The following FMNL3 variants were observed in gnomAD, a reference collection of about 807,000 sequenced individuals.
FMNL3 encodes formin like 3.
Under a neutral mutation model 119.6 loss-of-function variants are expected in FMNL3, and 57 were observed. The observed-to-expected ratio is 0.48, with a 90% confidence interval of 0.39 to 0.59. FMNL3 has a LOEUF of 0.59. Ranked by LOEUF, FMNL3 falls within the 20% of genes least tolerant of loss-of-function variation. FMNL3 has a pLI of 0.00. For missense variants in FMNL3, 1,053 were observed against 1,323.5 expected (o/e 0.80, Z 3.17); for synonymous variants, 491 against 507.3 (o/e 0.97, Z 0.43).
At chr12:49,656,125 G>A (rs1384701719) in intron 9 of FMNL3, among the ~76,000 whole-genome samples, 1 of 152,074 alleles carries the variant, frequency 6.6e-6, no homozygotes, top group Non-Finnish European at 1.5e-5. Flanking sequence ...AGCTCCTTAG[G>A]TGATTTGGAT....
In FMNL3 at chr12:49,643,921, G is replaced by T; in HGVS notation, c.*1894C>A. The T allele has an allele frequency of 6.2e-7, 1 of 1,614,222 alleles. No individual in the cohort carries two copies. The highest frequency in any genetic ancestry group is 8.5e-7 in the Non-Finnish European group (1 of 1,180,046). On this transcript the variant is annotated 3_prime_UTR_variant, in exon 26 of 26. Coordinates refer to ENST00000335154, the MANE Select transcript of FMNL3 (RefSeq NM_175736.5). ...AGCTGGCAAGGAGAGCGATGAGAAA[G>T]AACAAGAACAGGACAAGGACAGGGA...
chr12:49,637,333 A>C lies in FMNL3; in HGVS notation c.*8482T>G. 4 of 632,884 alleles carry C rather than the reference A, an allele frequency of 6.3e-6. No homozygotes were observed. Among genetic ancestry groups the C allele is most frequent in the Middle Eastern group, 2.5e-4 (1 of 3,986 alleles). The allele number at this position is 632,884 out of a possible 1,614,324, so 39.2% of individuals were successfully genotyped here. On this transcript the variant is annotated 3_prime_UTR_variant, in exon 26 of 26. Transcript: ENST00000335154. ...CTCAGCCTTCCATCTGCATCTCTTC[A>C]TCTCTGCCTCTCTTGCCTGCATTTC...
At chr12:49,668,395 A>G (rs960085532) in intron 2 of FMNL3, 76 bp downstream of exon 2, 1 of 1,405,232 alleles carries the variant, frequency 7.1e-7, no homozygotes, top group South Asian at 1.2e-5. Flanking sequence ...GGCTGCACTC[A>G]ATGCCTTTGG....
At chr12:49,657,576 C>T (rs75117033) in intron 6 of FMNL3, among the ~76,000 whole-genome samples, 53 of 152,286 alleles carry the variant, frequency 3.5e-4, no homozygotes, top group African/African-American at 1.1e-3. Flanking sequence ...GGGACAAGAG[C>T]GTCATGGCTC....
intron 1 of FMNL3, 87 bp from the exon 2 acceptor site, chr12:49,668,641 TG>T: frequency 8.2e-7 from 1 of 1,221,010 alleles, no homozygotes; most frequent in Non-Finnish European, 1.2e-6. Flanking sequence ...TTTCTGCTAC[TG>T]GGCCCTCAGA....
chr12:49,664,209 C>T (rs758571382), intron 4 of FMNL3, among the ~76,000 whole-genome samples: 2 of 152,026 alleles, frequency 1.3e-5, no homozygotes, highest in Non-Finnish European at 2.9e-5. Context: ...GGCGCCTGGG[C>T]GACAGAGCTA....
At chr12:49,661,788 C>T (rs1041560791) in intron 5 of FMNL3, 178 bp downstream of exon 5, 9 of 622,416 alleles carry the variant, frequency 1.4e-5, no homozygotes, top group African/African-American at 1.3e-4. Context: ...CTTCACTGAT[C>T]CCCAGACATC....
chr12:49,654,912 T>C lies in FMNL3; in HGVS notation c.958A>G (p.Met320Val), dbSNP rs1409858963. 1.2e-6 allele frequency: 2 copies of C among 1,614,000 alleles called. No individual in the cohort carries two copies. Among genetic ancestry groups the C allele is most frequent in the Admixed American group, 1.7e-5 (1 of 60,002 alleles). Residue 320 changes from methionine to valine, a missense_variant and splice_region_variant, in exon 10 of 26, where the codon ATG becomes GTG. Transcript: ENST00000335154. ...FRNEDSNIDF[M>V]VACMQFINIV... ...TGGACCCAGGCCCAGTTCCTCACCA[T>C]GAAGTCAATATTGCTGTCCTCATTC... is the stretch of plus-strand genomic sequence containing the variant.
chr12:49,659,795 C>A (rs1943680120), intron 5 of FMNL3: 1 of 985,312 alleles, frequency 1.0e-6, no homozygotes, highest in Admixed American at 6.1e-5. Context: ...TCTTATCATC[C>A]TCACTTCAGG....
At chr12:49,675,237 C>T (rs932956563) in intron 1 of FMNL3, among the ~76,000 whole-genome samples, 32 of 152,200 alleles carry the variant, frequency 2.1e-4, no homozygotes, top group Non-Finnish European at 3.5e-4. Context: ...TCAGCGCTTC[C>T]CAACTGAGCA....
chr12:49,661,927 C>A, intron 5 of FMNL3, 39 bp downstream of exon 5: 1 of 1,578,744 alleles, frequency 6.3e-7, no homozygotes, highest in Non-Finnish European at 8.7e-7. Flanking sequence ...ATGTCCTCCC[C>A]CAACTGGTCC....
At chr12:49,661,312 A>C (rs1440624640) in intron 5 of FMNL3, among the ~76,000 whole-genome samples, 1 of 152,034 alleles carries the variant, frequency 6.6e-6, no homozygotes, top group Non-Finnish European at 1.5e-5. Context: ...TCATAGAAGA[A>C]GACACAAACT....
chr12:49,685,927 C>T (rs1458185270), intron 1 of FMNL3, among the ~76,000 whole-genome samples: 1 of 151,980 alleles, frequency 6.6e-6, no homozygotes, highest in Non-Finnish European at 1.5e-5. Flanking sequence ...ATTAGCCAGG[C>T]TTGGTGGCGG....
chr12:49,701,540 CA>C lies in FMNL3; in HGVS notation c.126+5514del, dbSNP rs1294696572. On this transcript the variant is annotated intron_variant, in intron 1 of 25. Coordinates refer to ENST00000335154, the MANE Select transcript of FMNL3 (RefSeq NM_175736.5). ...TCACAGCATTGTTTATGATGACAAACAGAAGCAAAAAACCTAAATATCTAAG... is the reference window on the plus strand; with the variant it reads ...TCACAGCATTGTTTATGATGACAAACGAAGCAAAAAACCTAAATATCTAAG... Among the ~76,000 whole-genome samples the C allele has an allele frequency of 1.3e-4, 20 of 152,252 alleles. No homozygotes were observed. In the East Asian group the frequency reaches 2.9e-3, roughly 22 times the overall value.
intron 1 of FMNL3, among the ~76,000 whole-genome samples, chr12:49,697,864 A>T (rs1224461394): frequency 6.6e-6 from 1 of 152,254 alleles, no homozygotes; most frequent in East Asian, 1.9e-4. Context: ...AGCTGAAAAA[A>T]AAAAAGACTA....
rs748279920 is a variant in FMNL3 at position 49,647,050 on chromosome 12, C to T, written c.2872-41G>A. 35 of 1,612,814 alleles carry T rather than the reference C, an allele frequency of 2.2e-5. No homozygotes were observed. In the South Asian group the frequency reaches 3.7e-4, roughly 17 times the overall value. Reference sequence around the variant, plus strand: ...TGGAGGGGAAGGAAGTCATCACTAACCTAATGTGGGACTGGTTCCTGCCCC... The same window carrying T: ...TGGAGGGGAAGGAAGTCATCACTAATCTAATGTGGGACTGGTTCCTGCCCC... On this transcript the variant is annotated intron_variant, in intron 24 of 25. Coordinates refer to ENST00000335154, the MANE Select transcript of FMNL3 (RefSeq NM_175736.5). The surrounding 1 kb of genome is among the most constrained non-coding windows in gnomAD (Gnocchi z 4.9).
At chr12:49,704,518 C>T (rs1487094768) in intron 1 of FMNL3, among the ~76,000 whole-genome samples, 1 of 152,028 alleles carries the variant, frequency 6.6e-6, no homozygotes, top group African/African-American at 2.4e-5. Flanking sequence ...CGAGACCAGC[C>T]TGGCCAACAT....
rs1327957242 is a variant in FMNL3 at position 49,643,842 on chromosome 12, G to A, written c.*1973C>T. 2.5e-6 allele frequency: 4 copies of A among 1,614,008 alleles called. No individual in the cohort carries two copies. The African/African-American group carries it at 4.0e-5, about 16-fold the overall frequency. On this transcript the variant is annotated 3_prime_UTR_variant, in exon 26 of 26. Transcript: ENST00000335154. Reference sequence around the variant, plus strand: ...GGCTATCCACAGGAACTGAGGAGGTGGGCTCTGGACTCTTACAGAATAGTC... The same window carrying A: ...GGCTATCCACAGGAACTGAGGAGGTAGGCTCTGGACTCTTACAGAATAGTC...
chr12:49,692,034 C>CAAAAA (rs773991970), intron 1 of FMNL3, among the ~76,000 whole-genome samples: 1 of 23,114 alleles, frequency 4.3e-5, no homozygotes, highest in Non-Finnish European at 1.0e-4. Context: ...GACTCCATCT[C>CAAAAA]AAAAAAAAAA....
Sources: allele counts gnomAD v4.1 joint callset (sites outside exome capture counted in the v4.1 genomes callset), GRCh38; gene constraint gnomAD v4.1.1; non-coding constraint Gnocchi (gnomAD v3.1); transcripts MANE v1.5; gene names NCBI Gene and HGNC (gene_info 2026-07-23, HGNC 2026-07-21).